GFY: variants seen among roughly 807,000 people sequenced by gnomAD.
GFY encodes golgi associated olfactory signaling regulator.
GFY carries 28 observed loss-of-function variants against 29.1 expected under a neutral mutation model. That is an observed-to-expected ratio of 0.96 (90% CI 0.71 to 1.32). The LOEUF is 1.32. Among genes scored for constraint, GFY ranks in the 40% most tolerant of loss-of-function variants. GFY has a pLI of 0.00. For missense variants in GFY, 656 were observed against 661.9 expected (o/e 0.99, Z 0.10); for synonymous variants, 277 against 274.5 (o/e 1.01, Z -0.09).
At chr19:49,426,334 G>A (rs1291681842) in intron 1 of GFY, 76 bp from the exon 2 acceptor site, 2 of 1,442,046 alleles carry the variant, frequency 1.4e-6, no homozygotes, top group Non-Finnish European at 9.0e-7. Flanking sequence ...TGTTCCAGTG[G>A]GCGTGGCCTC....
In GFY at chr19:49,427,959, G is replaced by A. The variant is rs529281773; in HGVS notation, c.1197G>A (p.Val399=). Reference sequence around the variant, plus strand: ...ATCCCCCTTCAGGCGTGACTCTGGTGGGGCGACCACGTGGCGCAGCAGGCG... The same window carrying A: ...ATCCCCCTTCAGGCGTGACTCTGGTAGGGCGACCACGTGGCGCAGCAGGCG... The part of the protein sequence containing the change: ...ERVKETGVTL[V]GRPRGAAGGA... The change falls in exon 3 of 4, where the codon GTG becomes GTA. Residue 399 remains valine (V), a synonymous_variant. Coordinates refer to ENST00000610896, the MANE Select transcript of GFY (RefSeq NM_001195256.2). 8 of 1,534,670 alleles carry A rather than the reference G, an allele frequency of 5.2e-6. No individual in the cohort carries two copies. In the South Asian group the frequency reaches 8.3e-5, roughly 16 times the overall value.
At chr19:49,424,391 C>T (rs1463599417), upstream of GFY, among the ~76,000 whole-genome samples, 2 of 152,132 alleles carry the variant, frequency 1.3e-5, no homozygotes, top group Non-Finnish European at 2.9e-5. Flanking sequence ...TACAGGTGCC[C>T]ACCATCACGC....
intron 1 of GFY, among the ~76,000 whole-genome samples, chr19:49,426,084 A>G (rs1006397962): frequency 6.6e-6 from 1 of 152,158 alleles, no homozygotes; most frequent in African/African-American, 2.4e-5. Context: ...AAGCCCTGAC[A>G]CTCCCTAAAG....
At position 49,428,125 on chromosome 19, in the gene GFY, C is replaced by G. The variant is rs903744697; in HGVS notation, c.1357+6C>G. ...GGACGACGGAGATGAACCGGGTGAG[C>G]GCCCTGCCCCTTGAATGCCTGCACT... On this transcript the variant is annotated splice_donor_region_variant and intron_variant, in intron 3 of 3. Coordinates refer to ENST00000610896, the MANE Select transcript of GFY (RefSeq NM_001195256.2). 2.6e-6 allele frequency: 4 copies of G among 1,527,250 alleles called. No homozygotes were observed. The highest frequency in any genetic ancestry group is 1.8e-6 in the Non-Finnish European group (2 of 1,139,478). The allele number at this position is 1,527,250 out of a possible 1,614,324, so 94.6% of individuals were successfully genotyped here. A position where few individuals can be genotyped will look rare whatever the true frequency, so the allele number is the denominator to read the frequency against.
chr19:49,426,312 G>A (rs1481956096), intron 1 of GFY, 98 bp from the exon 2 acceptor site: 15 of 1,435,818 alleles, frequency 1.0e-5, no homozygotes, highest in African/African-American at 4.3e-5. Context: ...CCGGACAGAC[G>A]TGGTCCACCT....
chr19:49,427,297 T>G lies in GFY; in HGVS notation c.867T>G (p.Pro289=). 1.3e-6 allele frequency: 2 copies of G among 1,536,186 alleles called. No individual in the cohort carries two copies. Among genetic ancestry groups the G allele is most frequent in the Non-Finnish European group, 1.7e-6 (2 of 1,146,904 alleles). Residue 289 remains proline (P), a synonymous_variant, in exon 2 of 4, where the codon CCT becomes CCG. Transcript: ENST00000610896. ...CCACTAGTCTCTACCCAGAAACACC[T>G]GTGCCCTTCAAGGATGACGCCACTG... ...QISTSLYPET[P]VPFKDDATAL...
In GFY at chr19:49,426,780, C is replaced by T. The variant is rs1975077843; in HGVS notation, c.350C>T (p.Ser117Phe). 1 of 1,535,614 alleles carries T rather than the reference C, an allele frequency of 6.5e-7. No homozygotes were observed. The highest frequency in any genetic ancestry group is 2.4e-5 in the East Asian group (1 of 40,896). ...TCACTCACAACCTCAATATCAGAAT[C>T]CCTGGACATGCCCAAAACTAACCTC... ...ADSLTTSISE[S>F]LDMPKTNLSK... Residue 117 changes from serine to phenylalanine, a missense_variant, in exon 2 of 4, where the codon TCC becomes TTC. Physicochemically the swap from Ser to Phe is radical, Grantham distance 155 (BLOSUM62 -2). Coordinates refer to ENST00000610896, the MANE Select transcript of GFY (RefSeq NM_001195256.2).
chr19:49,424,591 C>T (rs543149775), upstream of GFY, among the ~76,000 whole-genome samples: 9 of 151,202 alleles, frequency 6.0e-5, no homozygotes, highest in South Asian at 2.0e-3. Context: ...TGGCTCATGC[C>T]TGTAATCCCA....
chr19:49,426,356 G>A (rs1975071807), intron 1 of GFY, 54 bp from the exon 2 acceptor site: 2 of 1,444,540 alleles, frequency 1.4e-6, no homozygotes, highest in African/African-American at 2.9e-5. Context: ...GGGAGTGGGC[G>A]GGGCTCCTGG....
chr19:49,427,222 C>A lies in GFY; in HGVS notation c.792C>A (p.Thr264=). The A allele has an allele frequency of 6.5e-7, 1 of 1,536,084 alleles. No individual in the cohort carries two copies. Among genetic ancestry groups the A allele is most frequent in the Non-Finnish European group, 8.7e-7 (1 of 1,146,894 alleles). ...TTTCCCAAACAGAATTCCCCACAACCTACTACCAAAATGCAACAGATGTAC... is the reference window on the plus strand; with the variant it reads ...TTTCCCAAACAGAATTCCCCACAACATACTACCAAAATGCAACAGATGTAC... ...TEISQTEFPT[T]YYQNATDVPR... Residue 264 remains threonine (T), a synonymous_variant, in exon 2 of 4, where the codon ACC becomes ACA. Coordinates refer to ENST00000610896, the MANE Select transcript of GFY (RefSeq NM_001195256.2).
At position 49,426,418 on chromosome 19, in the gene GFY, A is replaced by C. The variant is rs774217444; in HGVS notation, c.-13A>C. The stretch of plus-strand genomic sequence containing the variant: ...CCCGCTCTCCCCCGCAGCTATAGGT[A>C]TCTGCCAGAGCTATGAAATCATTCA... On this transcript the variant is annotated 5_prime_UTR_variant, in exon 2 of 4. Coordinates refer to ENST00000610896, the MANE Select transcript of GFY (RefSeq NM_001195256.2). The C allele has an allele frequency of 5.2e-6, 8 of 1,524,100 alleles. No individual in the cohort carries two copies. The South Asian group carries it at 8.5e-5, about 16-fold the overall frequency. The allele number at this position is 1,524,100 out of a possible 1,614,324, so 94.4% of individuals were successfully genotyped here.
chr19:49,426,531 C>T lies in GFY; in HGVS notation c.101C>T (p.Pro34Leu), dbSNP rs1975073987. ...SAPLPLGCGF[P>L]DMAHPSETSP... Reference sequence around the variant, plus strand: ...CCTCTGCCTTTGGGCTGTGGCTTTCCGGACATGGCCCACCCCTCTGAGACT... The same window carrying T: ...CCTCTGCCTTTGGGCTGTGGCTTTCTGGACATGGCCCACCCCTCTGAGACT... Residue 34 changes from proline (P) to leucine (L), a missense_variant, in exon 2 of 4, where the codon CCG (proline) becomes CTG (leucine). Coordinates refer to ENST00000610896, the MANE Select transcript of GFY (RefSeq NM_001195256.2). The T allele has an allele frequency of 1.3e-6, 2 of 1,536,200 alleles. No homozygotes were observed. Among genetic ancestry groups the T allele is most frequent in the Non-Finnish European group, 1.7e-6 (2 of 1,146,920 alleles).
intron 3 of GFY, 102 bp downstream of exon 3, chr19:49,428,221 C>A: frequency 7.4e-7 from 1 of 1,359,426 alleles, no homozygotes; most frequent in South Asian, 1.4e-5. Context: ...CACCCAAGGT[C>A]AATGAAAGCC....
At chr19:49,425,182 T>A (rs1439546537), upstream of GFY, among the ~76,000 whole-genome samples, 1 of 151,962 alleles carries the variant, frequency 6.6e-6, no homozygotes, top group Non-Finnish European at 1.5e-5. Context: ...CCCCTGGGTT[T>A]TCAGGTAGGA....
chr19:49,426,050 G>C (rs1359779381), intron 1 of GFY, among the ~76,000 whole-genome samples: 1 of 152,200 alleles, frequency 6.6e-6, no homozygotes, highest in Admixed American at 6.5e-5. Flanking sequence ...ACCTCGGAGA[G>C]GAAGGAGATC....
intron 2 of GFY, 21 bp from the exon 3 acceptor site, chr19:49,427,925 A>T (rs1471800057): frequency 6.6e-7 from 1 of 1,522,436 alleles, no homozygotes; most frequent in Admixed American, 2.0e-5. Flanking sequence ...AGGAGCTTAG[A>T]TTGCTGGTAT....
Position 49,427,614 on chromosome 19 carries a change from G to A in GFY, c.1183+1G>A, listed in dbSNP as rs1047200554. ...GTGGTGGAGCGAGTGAAGGAGACCG[G>A]TGAGGGGCAGGAGCCGGACTCCTGA... On this transcript the variant is annotated splice_donor_variant, in intron 2 of 3. Coordinates refer to ENST00000610896, the MANE Select transcript of GFY (RefSeq NM_001195256.2). LOFTEE classifies it high-confidence loss of function. 1 of 1,459,420 alleles carries A rather than the reference G, an allele frequency of 6.9e-7. No individual in the cohort carries two copies. Among genetic ancestry groups the A allele is most frequent in the Non-Finnish European group, 9.0e-7 (1 of 1,112,054 alleles). 90.4% of individuals were successfully genotyped at this position (1,459,420 alleles called of 1,614,324 possible).
Position 49,428,848 on chromosome 19 carries a change from T to C in GFY, c.*30T>C, listed in dbSNP as rs1019281153. On this transcript the variant is annotated 3_prime_UTR_variant, in exon 4 of 4. Transcript: ENST00000610896. Reference sequence around the variant, plus strand: ...CACCGAGTTCTGCCGGACCTGCACATCCCCACAGTGAAGGAAAACCCTGCG... The same window carrying C: ...CACCGAGTTCTGCCGGACCTGCACACCCCCACAGTGAAGGAAAACCCTGCG... 10 of 1,384,646 alleles carry C rather than the reference T, an allele frequency of 7.2e-6. No individual in the cohort carries two copies. Among genetic ancestry groups the C allele is most frequent in the African/African-American group, 5.9e-5 (4 of 68,038 alleles). The allele number at this position is 1,384,646 out of a possible 1,614,324, so 85.8% of individuals were successfully genotyped here. A position where few individuals can be genotyped will look rare whatever the true frequency, so the allele number is the denominator to read the frequency against.
In GFY at chr19:49,427,989, C is replaced by T. The variant is rs1313218791; in HGVS notation, c.1227C>T (p.Ala409=). ...VGRPRGAAGG[A]LCLFFAGTAL... ...GACCACGTGGCGCAGCAGGCGGGGC[C>T]CTCTGCCTGTTCTTCGCGGGGACCG... Residue 409 remains alanine, a synonymous_variant, in exon 3 of 4, where the codon GCC becomes GCT. Transcript: ENST00000610896. 4.6e-6 allele frequency: 7 copies of T among 1,535,710 alleles called. No individual in the cohort carries two copies. Among genetic ancestry groups the T allele is most frequent in the African/African-American group, 2.7e-5 (2 of 73,044 alleles).
Sources: gnomAD v4.1 joint callset for allele counts (sites outside exome capture counted in the v4.1 genomes callset) on GRCh38, gnomAD v4.1.1 for gene constraint, MANE v1.5 for transcripts, NCBI Gene and HGNC (gene_info 2026-07-23, HGNC 2026-07-21) for gene names.